The following FRMD4B variants were observed in gnomAD, a reference collection of about 807,000 sequenced individuals.
The protein encoded by FRMD4B is FERM domain-containing protein 4B.
FRMD4B carries 74 observed loss-of-function variants against 141.5 expected under a neutral mutation model. The observed-to-expected ratio is 0.52, with a 90% confidence interval of 0.43 to 0.63. The LOEUF (loss-of-function observed/expected upper bound fraction) is 0.63, where lower values mean the gene tolerates loss of function less well. FRMD4B is among the 30% of genes least tolerant of loss of function. FRMD4B has a pLI of 0.00. For missense variants in FRMD4B, 1,366 were observed against 1,253.4 expected, an observed-to-expected ratio of 1.09 and a Z score of -1.36; for synonymous variants, 506 against 467.9, an observed-to-expected ratio of 1.08 and a Z score of -1.05.
chr3:69,464,485 T>C (rs560782125), intron 1 of FRMD4B, among the ~76,000 whole-genome samples: 59 of 152,192 alleles, frequency 3.9e-4, no homozygotes, highest in Non-Finnish European at 6.3e-4. Flanking sequence ...TCTTTCTTCT[T>C]TTCTCTAAAA....
At position 69,236,537 on chromosome 3, in the gene FRMD4B, G is replaced by A. The variant is rs139003572; in HGVS notation, c.582-11847C>T. Among the ~76,000 whole-genome samples the A allele has an allele frequency of 2.7e-3, 414 of 152,142 alleles. 1 individual carries two copies. The highest frequency in any genetic ancestry group is 9.7e-3 in the African/African-American group (401 of 41,524). On this transcript the variant is annotated intron_variant, in intron 7 of 22. Transcript: ENST00000398540. Reference sequence around the variant, plus strand: ...AGCCACCGTGCCCGGCCCCAAATTTGGTTTTTGAAAAACACTTTTACATGA... The same window carrying A: ...AGCCACCGTGCCCGGCCCCAAATTTAGTTTTTGAAAAACACTTTTACATGA...
intron 5 of FRMD4B, among the ~76,000 whole-genome samples, chr3:69,252,231 T>G (rs2093467194): frequency 6.6e-6 from 1 of 152,174 alleles, no homozygotes; most frequent in Non-Finnish European, 1.5e-5. Context: ...CTTTCTACTT[T>G]AGAAGGGTTA....
At chr3:69,344,078 T>C (rs1702846146) in intron 1 of FRMD4B, among the ~76,000 whole-genome samples, 1 of 152,202 alleles carries the variant, frequency 6.6e-6, no homozygotes, top group Non-Finnish European at 1.5e-5. Flanking sequence ...TTTTAAAGAA[T>C]TTGGAATCCA....
At chr3:69,300,793 C>T (rs1490096120) in intron 4 of FRMD4B, among the ~76,000 whole-genome samples, 2 of 152,130 alleles carry the variant, frequency 1.3e-5, no homozygotes, top group Non-Finnish European at 2.9e-5. Context: ...TGCTGGAGTG[C>T]AATAGTGTGA....
intron 7 of FRMD4B, among the ~76,000 whole-genome samples, chr3:69,230,352 A>G (rs2093295664): frequency 1.3e-5 from 2 of 152,324 alleles, no homozygotes; most frequent in South Asian, 4.1e-4. Flanking sequence ...ATCCATTACT[A>G]GTAAGAGTGT....
intron 1 of FRMD4B, among the ~76,000 whole-genome samples, chr3:69,509,160 CA>C (rs1399272187): frequency 6.6e-6 from 1 of 152,254 alleles, no homozygotes; most frequent in East Asian, 1.9e-4. Context: ...GACATCTCTC[CA>C]GGCCAGACGG....
intron 4 of FRMD4B, among the ~76,000 whole-genome samples, chr3:69,298,892 T>A (rs1701119832): frequency 6.6e-6 from 1 of 152,166 alleles, no homozygotes; most frequent in Non-Finnish European, 1.5e-5. Context: ...TGTCAGTCTC[T>A]TTCCATTAGG....
chr3:69,171,366 T>C lies in FRMD4B; in HGVS notation c.*495A>G, dbSNP rs1397258178. 6.5e-6 allele frequency: 1 copy of C among 154,018 alleles called. No individual in the cohort carries two copies. Among genetic ancestry groups the C allele is most frequent in the African/African-American group, 2.4e-5 (1 of 41,460 alleles). The allele number at this position is 154,018 out of a possible 1,614,324, so 9.5% of individuals were successfully genotyped here. On this transcript the variant is annotated 3_prime_UTR_variant, in exon 23 of 23. Transcript: ENST00000398540. ...ATACTGTCTAAATTGTCCATGTCTGTGTAGAAAGAGCATGTTACTCTTTGT... is the reference window on the plus strand; with the variant it reads ...ATACTGTCTAAATTGTCCATGTCTGCGTAGAAAGAGCATGTTACTCTTTGT...
chr3:69,219,062 G>A (rs989286969), intron 9 of FRMD4B, among the ~76,000 whole-genome samples: 35 of 151,696 alleles, frequency 2.3e-4, no homozygotes, highest in Non-Finnish European at 4.1e-4. Flanking sequence ...CTATATGGGA[G>A]GCTGAGGCAG....
intron 1 of FRMD4B, among the ~76,000 whole-genome samples, chr3:69,356,601 A>G (rs1265520240): frequency 6.7e-6 from 1 of 149,336 alleles, no homozygotes; most frequent in Non-Finnish European, 1.5e-5. Flanking sequence ...ACACACATAC[A>G]TATATACACA....
At chr3:69,392,886 C>T (rs1409627768) in intron 2 of FRMD4B, among the ~76,000 whole-genome samples, 1 of 152,082 alleles carries the variant, frequency 6.6e-6, no homozygotes, top group African/African-American at 2.4e-5. Context: ...GGCTAGGTGA[C>T]TGGTCTCCTG....
intron 7 of FRMD4B, among the ~76,000 whole-genome samples, chr3:69,225,291 T>C (rs1225176043): frequency 2.6e-5 from 4 of 152,080 alleles, no homozygotes; most frequent in African/African-American, 9.7e-5. Context: ...TGAACTAAAA[T>C]GTACCTCATG....
intron 1 of FRMD4B, among the ~76,000 whole-genome samples, chr3:69,481,138 G>GA (rs1314504096): frequency 6.6e-6 from 1 of 152,160 alleles, no homozygotes; most frequent in Non-Finnish European, 1.5e-5. Context: ...CTAGGAAAGG[G>GA]AACTCCCTGA....
chr3:69,207,971 C>T (rs2093040302), intron 11 of FRMD4B, among the ~76,000 whole-genome samples: 1 of 151,986 alleles, frequency 6.6e-6, no homozygotes, highest in African/African-American at 2.4e-5. Flanking sequence ...CTTCCGCTTC[C>T]TGGGTTCAAG....
intron 8 of FRMD4B, among the ~76,000 whole-genome samples, chr3:69,223,552 C>T (rs568929837): frequency 4.3e-4 from 66 of 151,940 alleles, no homozygotes; most frequent in African/African-American, 1.2e-3. Context: ...AAAACTATCG[C>T]GCTTGGTCGG....
chr3:69,518,385 A>T (rs892451962), intron 1 of FRMD4B, among the ~76,000 whole-genome samples: 3 of 152,192 alleles, frequency 2.0e-5, no homozygotes. Context: ...AGTTCTGGGA[A>T]TATAAAGGTG....
intron 1 of FRMD4B, among the ~76,000 whole-genome samples, chr3:69,494,307 T>C (rs13081813): frequency 0.33 from 49,850 of 152,062 alleles, 8,362 homozygotes; most frequent in African/African-American, 0.38. Context: ...GCTGAGGAGA[T>C]GATTGGGCAC....
Position 69,472,925 on chromosome 3 carries a change from C to CTTTTT in FRMD4B, c.-128-40169_-128-40165dup, listed in dbSNP as rs796453101. Among the ~76,000 whole-genome samples, 133 of 90,828 alleles carry CTTTTT rather than the reference C, an allele frequency of 1.5e-3. 2 individuals carry two copies. Among genetic ancestry groups the CTTTTT allele is most frequent in the African/African-American group, 4.8e-3 (100 of 20,726 alleles). The allele number at this position is 90,828 out of a possible 152,430, so 59.6% of individuals were successfully genotyped here. A position where few individuals can be genotyped will look rare whatever the true frequency, so the allele number is the denominator to read the frequency against. ...TATCCAAGGCTTCAAGTGAGTCTTT[C>CTTTTT]TTTTTTTTTTTTCTTTTTTTTTTTT... On this transcript the variant is annotated intron_variant, in intron 1 of 5. Transcript: ENST00000459638.
intron 1 of FRMD4B, among the ~76,000 whole-genome samples, chr3:69,436,434 G>A (rs914237007): frequency 6.6e-6 from 1 of 152,158 alleles, no homozygotes; most frequent in Non-Finnish European, 1.5e-5. Flanking sequence ...GGAATGAAAG[G>A]AAAATAAGAA....
Sources: allele counts gnomAD v4.1 joint callset (sites outside exome capture counted in the v4.1 genomes callset), GRCh38; gene constraint gnomAD v4.1.1; transcripts MANE v1.5; gene names NCBI Gene and HGNC (gene_info 2026-07-23, HGNC 2026-07-21).